Variants in TMX3 observed in about 807,000 individuals in gnomAD.
The protein encoded by TMX3 is protein disulfide-isomerase TMX3.
Under a neutral mutation model 64.4 loss-of-function variants are expected in TMX3, and 40 were observed. The ratio of observed to expected loss-of-function variants is 0.62; its 90% CI spans 0.48 to 0.81. TMX3 has a LOEUF of 0.81. Ranked by LOEUF, TMX3 falls within the 30% of genes least tolerant of loss-of-function variation. TMX3 has a pLI of 0.00. For missense variants in TMX3, 497 were observed against 534.5 expected, an observed-to-expected ratio of 0.93 and a Z score of 0.69; for synonymous variants, 189 against 175.7, an observed-to-expected ratio of 1.08 and a Z score of -0.60.
intron 6 of TMX3, among the ~76,000 whole-genome samples, chr18:68,698,838 A>G (rs898180108): frequency 1.3e-5 from 2 of 151,834 alleles, no homozygotes; most frequent in Non-Finnish European, 2.9e-5. Context: ...AATACGGTGA[A>G]ATCCCGTCTC....
chr18:68,696,769 G>A (rs1320093747), intron 8 of TMX3, among the ~76,000 whole-genome samples: 2 of 152,054 alleles, frequency 1.3e-5, no homozygotes, highest in African/African-American at 4.8e-5. Context: ...GAGGCACTGC[G>A]CCTGGCCTTT....
chr18:68,684,306 A>G, intron 11 of TMX3, 63 bp from the exon 12 acceptor site: 1 of 1,503,820 alleles, frequency 6.6e-7, no homozygotes, highest in Non-Finnish European at 9.2e-7. Flanking sequence ...TTTTTCAATG[A>G]TAGTATCTGC....
intron 10 of TMX3, among the ~76,000 whole-genome samples, chr18:68,684,841 C>T (rs1405665173): frequency 2.0e-5 from 3 of 152,030 alleles, no homozygotes; most frequent in African/African-American, 4.8e-5. Context: ...TTTTCAAAGG[C>T]TAAAAGCACA....
intron 8 of TMX3, among the ~76,000 whole-genome samples, chr18:68,695,973 T>C (rs1167048536): frequency 6.6e-6 from 1 of 152,154 alleles, no homozygotes; most frequent in Non-Finnish European, 1.5e-5. Context: ...GTCAGGTGTG[T>C]TCGCATTTTG....
rs1045076204 is a variant in TMX3 at position 68,674,349 on chromosome 18, C to T, written c.*2584G>A. Reference sequence around the variant, plus strand: ...ACAGGGTACTCGATAAAAACATGCACTTTGTCTCGCTGAAATGTCCTTAAA... The same window carrying T: ...ACAGGGTACTCGATAAAAACATGCATTTTGTCTCGCTGAAATGTCCTTAAA... On this transcript the variant is annotated 3_prime_UTR_variant, in exon 16 of 16. Transcript: ENST00000299608. 1 of 152,098 alleles carries T rather than the reference C, an allele frequency of 6.6e-6. No individual in the cohort carries two copies. The highest frequency in any genetic ancestry group is 2.4e-5 in the African/African-American group (1 of 41,430). The allele number at this position is 152,098 out of a possible 1,614,324, so 9.4% of individuals were successfully genotyped here.
At chr18:68,684,972 T>G (rs755348968) in intron 10 of TMX3, among the ~76,000 whole-genome samples, 6 of 152,214 alleles carry the variant, frequency 3.9e-5, no homozygotes, top group Admixed American at 2.0e-4. Flanking sequence ...GTTCAGTACT[T>G]GCCAGTTATA....
chr18:68,715,084 G>A lies in TMX3; in HGVS notation c.-103C>T. On this transcript the variant is annotated 5_prime_UTR_variant, in exon 1 of 16. Transcript: ENST00000299608. ...GAAAGGGAAACGGAGCCGACCCGGAGCGGAAGAGAAGCACCGCGCTAACTA... is the reference window on the plus strand; with the variant it reads ...GAAAGGGAAACGGAGCCGACCCGGAACGGAAGAGAAGCACCGCGCTAACTA... The A allele has an allele frequency of 6.5e-7, 1 of 1,537,428 alleles. No homozygotes were observed. The highest frequency in any genetic ancestry group is 8.8e-7 in the Non-Finnish European group (1 of 1,139,882).
chr18:68,683,663 A>C (rs541666851), intron 12 of TMX3, among the ~76,000 whole-genome samples: 1 of 152,258 alleles, frequency 6.6e-6, no homozygotes, highest in African/African-American at 2.4e-5. Flanking sequence ...TATAGATCAA[A>C]GTATCTCTTT....
chr18:68,679,837 T>C (rs1913249242), intron 14 of TMX3, among the ~76,000 whole-genome samples: 1 of 152,174 alleles, frequency 6.6e-6, no homozygotes, highest in South Asian at 2.1e-4. Flanking sequence ...CTTTTGAGTT[T>C]AGCTGGGACC....
intron 4 of TMX3, among the ~76,000 whole-genome samples, chr18:68,706,565 T>C (rs1415436126): frequency 6.6e-6 from 1 of 152,174 alleles, no homozygotes; most frequent in East Asian, 1.9e-4. Context: ...AGTACCCAGG[T>C]AATTCTATTG....
intron 13 of TMX3, among the ~76,000 whole-genome samples, chr18:68,682,126 A>T (rs1913496790): frequency 6.6e-6 from 1 of 152,152 alleles, no homozygotes; most frequent in Non-Finnish European, 1.5e-5. Flanking sequence ...CTTTTCATAC[A>T]GTTCTGTAAC....
intron 15 of TMX3, among the ~76,000 whole-genome samples, 155 bp from the exon 16 acceptor site, chr18:68,677,348 A>G (rs149362646): frequency 1.4e-4 from 21 of 152,300 alleles, no homozygotes; most frequent in African/African-American, 4.3e-4. Flanking sequence ...CTACCATGTG[A>G]AAGACACTGT....
At chr18:68,700,750 G>T (rs1317466998) in intron 5 of TMX3, 2 of 984,480 alleles carry the variant, frequency 2.0e-6, no homozygotes, top group Admixed American at 1.2e-4. Context: ...TACGCCTTCT[G>T]AAAAATAATC....
chr18:68,695,103 G>A (rs978033945), intron 8 of TMX3, among the ~76,000 whole-genome samples: 1 of 151,926 alleles, frequency 6.6e-6, no homozygotes, highest in Non-Finnish European at 1.5e-5. Context: ...TTTCTTACTT[G>A]CCATCAGTGT....
Position 68,699,373 on chromosome 18 carries a change from G to A in TMX3, c.392+1032C>T, listed in dbSNP as rs1481582456. On this transcript the variant is annotated intron_variant, in intron 6 of 15. Transcript: ENST00000299608. ...ATCCTGGGAGGATTCAGTACCTCCC[G>A]CTAGCACTCCCCTCATACAACATAA... 3.9e-5 allele frequency among the ~76,000 whole-genome samples: 6 copies of A among 152,160 alleles called. No homozygotes were observed. The South Asian group carries it at 6.2e-4, about 16-fold the overall frequency.
In TMX3 at chr18:68,714,983, C is replaced by A; in HGVS notation, c.-2G>T. ...CGTCCAACTCTTCCACGCTGCCATG[C>A]TAGCCCGGGAGAGCTGCAGAAGCTG... On this transcript the variant is annotated 5_prime_UTR_variant, in exon 1 of 16. Transcript: ENST00000299608. 1 of 1,571,974 alleles carries A rather than the reference C, an allele frequency of 6.4e-7. No homozygotes were observed.
At chr18:68,702,067 T>C (rs905800649) in intron 4 of TMX3, among the ~76,000 whole-genome samples, 8 of 150,116 alleles carry the variant, frequency 5.3e-5, no homozygotes, top group South Asian at 2.1e-4. Context: ...AAAATACTTA[T>C]TTTAAAAGAT....
At chr18:68,683,503 TCA>T (rs1371323729) in intron 12 of TMX3, among the ~76,000 whole-genome samples, 3 of 152,160 alleles carry the variant, frequency 2.0e-5, no homozygotes, top group East Asian at 1.9e-4. Context: ...CATTTTTTAT[TCA>T]GTTATTCTTT....
Position 68,674,320 on chromosome 18 carries a change from G to A in TMX3, c.*2613C>T, listed in dbSNP as rs550957387. On this transcript the variant is annotated 3_prime_UTR_variant, in exon 16 of 16. Coordinates refer to ENST00000299608, the MANE Select transcript of TMX3 (RefSeq NM_019022.5). ...AAAAAGAATTGCCAGATATAATGTG[G>A]TGCACAGGGTACTCGATAAAAACAT... 6.6e-6 allele frequency: 1 copy of A among 152,234 alleles called. No homozygotes were observed. The highest frequency in any genetic ancestry group is 1.9e-4 in the East Asian group (1 of 5,186). The allele number at this position is 152,234 out of a possible 1,614,324, so 9.4% of individuals were successfully genotyped here.
Sources: gnomAD v4.1 joint callset for allele counts (sites outside exome capture counted in the v4.1 genomes callset) on GRCh38, gnomAD v4.1.1 for gene constraint, MANE v1.5 for transcripts, NCBI Gene and HGNC (gene_info 2026-07-23, HGNC 2026-07-21) for gene names.